AGBL1: variants seen among roughly 807,000 people sequenced by gnomAD.
The protein encoded by AGBL1 is AGBL carboxypeptidase 1.
A neutral mutation model predicts 118.9 loss-of-function variants in AGBL1; 130 were observed. The ratio of observed to expected loss-of-function variants is 1.09; its 90% confidence interval spans 0.95 to 1.26. The LOEUF (loss-of-function observed/expected upper bound fraction) is 1.26, where lower values mean the gene tolerates loss of function less well. Among genes scored for constraint, AGBL1 ranks in the 50% most tolerant of loss-of-function variants. AGBL1 has a pLI of 0.00. For missense variants in AGBL1, 1,584 were observed against 1,298.1 expected (o/e 1.22, Z -3.38); for synonymous variants, 555 against 478.9 (o/e 1.16, Z -2.08).
chr15:86,190,872 A>C (rs1206250218), intron 5 of AGBL1, among the ~76,000 whole-genome samples: 1 of 152,248 alleles, frequency 6.6e-6, no homozygotes, highest in Non-Finnish European at 1.5e-5. Context: ...CGTACAAAAG[A>C]CATGAATAAT....
At chr15:86,110,554 G>T (rs1405608388) in intron 1 of AGBL1, among the ~76,000 whole-genome samples, 1 of 152,094 alleles carries the variant, frequency 6.6e-6, no homozygotes, top group Non-Finnish European at 1.5e-5. Context: ...CTCAGGGGTG[G>T]CAGAGGGGGA....
At chr15:86,507,779 G>A (rs1326929483) in intron 18 of AGBL1, among the ~76,000 whole-genome samples, 1 of 152,052 alleles carries the variant, frequency 6.6e-6, no homozygotes, top group African/African-American at 2.4e-5. Flanking sequence ...CTTAGACAGG[G>A]TGGTAGTGTT....
Position 86,613,348 on chromosome 15 carries a change from A to G in AGBL1, c.2994+58811A>G, listed in dbSNP as rs565187262. 6.6e-6 allele frequency among the ~76,000 whole-genome samples: 1 copy of G among 152,286 alleles called. No homozygotes were observed. Among genetic ancestry groups the G allele is most frequent in the South Asian group, 2.1e-4 (1 of 4,828 alleles). ...CTTGTAGGTGACTTTAGCTGGATCT[A>G]ATGGGGCAGTAGGACACCGGTTGGT... On this transcript the variant is annotated intron_variant, in intron 21 of 22. Transcript: ENST00000614907. The surrounding 1 kb of genome is among the most constrained non-coding windows in gnomAD (Gnocchi z 4.2).
chr15:86,755,639 T>C (rs2077927049), intron 22 of AGBL1, among the ~76,000 whole-genome samples: 1 of 152,160 alleles, frequency 6.6e-6, no homozygotes, highest in Non-Finnish European at 1.5e-5. Context: ...CGCTCTATCT[T>C]ACTTTTGTGA....
chr15:86,241,528 C>T (rs1235088352), intron 6 of AGBL1, among the ~76,000 whole-genome samples: 1 of 151,646 alleles, frequency 6.6e-6, no homozygotes, highest in Admixed American at 6.6e-5. Context: ...TTTTTTTTCT[C>T]ACAGTTCTGG....
At chr15:86,208,033 C>T (rs1474769030) in intron 5 of AGBL1, among the ~76,000 whole-genome samples, 22 of 151,382 alleles carry the variant, frequency 1.5e-4, no homozygotes, top group Non-Finnish European at 3.0e-5. Context: ...GCATGAAAGG[C>T]TGTTGAATTT....
intron 22 of AGBL1, among the ~76,000 whole-genome samples, chr15:86,892,762 C>T (rs192070675): frequency 7.4e-4 from 113 of 152,164 alleles, no homozygotes; most frequent in Middle Eastern, 3.4e-3. Context: ...AAAAAAAAAC[C>T]GGAGAGTAAT....
intron 18 of AGBL1, among the ~76,000 whole-genome samples, chr15:86,430,995 G>T (rs920186874): frequency 6.6e-6 from 1 of 152,128 alleles, no homozygotes; most frequent in Non-Finnish European, 1.5e-5. Context: ...ACTCAGAGAT[G>T]GTAAGTAACT....
intron 24 of AGBL1, among the ~76,000 whole-genome samples, chr15:87,011,360 A>G (rs2081558207): frequency 6.6e-6 from 1 of 152,190 alleles, no homozygotes; most frequent in Non-Finnish European, 1.5e-5. Context: ...TCCATTGAGA[A>G]CATGAAATTG....
At chr15:86,288,326 C>T (rs1235591149) in intron 16 of AGBL1, among the ~76,000 whole-genome samples, 1 of 152,106 alleles carries the variant, frequency 6.6e-6, no homozygotes, top group African/African-American at 2.4e-5. Context: ...GACTTAGAAA[C>T]GTGACTGATA....
At chr15:86,259,788 C>T (rs2078953422) in intron 9 of AGBL1, among the ~76,000 whole-genome samples, 1 of 152,210 alleles carries the variant, frequency 6.6e-6, no homozygotes, top group East Asian at 1.9e-4. Context: ...TGCCACTTTC[C>T]CCTCCCCTCT....
chr15:86,998,074 TG>T (rs756501271), intron 24 of AGBL1, among the ~76,000 whole-genome samples: 3 of 152,260 alleles, frequency 2.0e-5, no homozygotes, highest in East Asian at 1.9e-4. Flanking sequence ...CACATAGGAT[TG>T]GGGATTGTGA....
chr15:86,944,713 C>G (rs1480406187), intron 23 of AGBL1, among the ~76,000 whole-genome samples: 1 of 152,166 alleles, frequency 6.6e-6, no homozygotes, highest in African/African-American at 2.4e-5. Flanking sequence ...TTAATACCTT[C>G]AATTCATTTT....
At chr15:86,821,909 C>A (rs1044448906) in intron 22 of AGBL1, among the ~76,000 whole-genome samples, 2 of 152,126 alleles carry the variant, frequency 1.3e-5, no homozygotes, top group Non-Finnish European at 2.9e-5. Context: ...GGGATTTAAC[C>A]AATATCGCAT....
rs10629012 is a variant in AGBL1 at position 86,801,310 on chromosome 15, CATCTATCTATCTATCT to C, written c.3159-105746_3159-105731del. ...CTTGGCTTATAACTGTTGATGATTA[CATCTATCTATCTATCT>C]ATCTATCTATCTATCTATCTATCTA... On this transcript the variant is annotated intron_variant, in intron 22 of 22. Transcript: ENST00000614907. 1.8e-3 allele frequency among the ~76,000 whole-genome samples: 266 copies of C among 147,314 alleles called. 1 individual carries two copies. The highest frequency in any genetic ancestry group is 4.2e-3 in the African/African-American group (170 of 40,004).
intron 18 of AGBL1, among the ~76,000 whole-genome samples, chr15:86,452,950 C>A (rs2082214227): frequency 6.6e-6 from 1 of 152,154 alleles, no homozygotes; most frequent in Non-Finnish European, 1.5e-5. Context: ...TAATTAGGTC[C>A]CTGATTGTCT....
chr15:86,810,054 TAAAGTG>T (rs2078767588), intron 22 of AGBL1, among the ~76,000 whole-genome samples: 1 of 152,148 alleles, frequency 6.6e-6, no homozygotes, highest in African/African-American at 2.4e-5. Flanking sequence ...CACTACAACT[TAAAGTG>T]AGAGATTTGG....
chr15:86,631,280 G>A (rs1213244196), intron 21 of AGBL1: 1 of 151,734 alleles, frequency 6.6e-6, no homozygotes, highest in Non-Finnish European at 1.5e-5. Context: ...TTCCTTAGGA[G>A]GAAGTAGGGG....
chr15:86,194,828 C>A (rs74766438), intron 5 of AGBL1, among the ~76,000 whole-genome samples: 4,150 of 152,230 alleles, frequency 0.027, 77 homozygotes, highest in East Asian at 0.073. Flanking sequence ...CAAACTAGAC[C>A]TGAATAAGCT....
Sources: allele counts gnomAD v4.1 joint callset (sites outside exome capture counted in the v4.1 genomes callset), GRCh38; gene constraint gnomAD v4.1.1; non-coding constraint Gnocchi (gnomAD v3.1); transcripts MANE v1.5; gene names NCBI Gene and HGNC (gene_info 2026-07-23, HGNC 2026-07-21).